The following BCL2 variants were observed in gnomAD, a reference collection of about 807,000 sequenced individuals.
The protein encoded by BCL2 is apoptosis regulator Bcl-2.
Under a neutral mutation model 14.2 loss-of-function variants are expected in BCL2, and 1 was observed. The ratio of observed to expected loss-of-function variants is 0.07; its 90% CI spans 0.02 to 0.33. The LOEUF (loss-of-function observed/expected upper bound fraction) is 0.33, where lower values mean the gene tolerates loss of function less well. BCL2 is among the 10% of genes least tolerant of loss of function. The pLI is 0.99. For missense variants in BCL2, 247 were observed against 305.9 expected, an observed-to-expected ratio of 0.81 and a Z score of 1.44; for synonymous variants, 151 against 137.2, an observed-to-expected ratio of 1.10 and a Z score of -0.70.
chr18:63,317,755 T>C, intron 2 of BCL2: 1 of 1,160,910 alleles, frequency 8.6e-7, no homozygotes, highest in Non-Finnish European at 1.1e-6. Flanking sequence ...CAGGAAACGG[T>C]GGTCCTGGGG....
At chr18:63,171,936 A>G (rs1203872294) in intron 2 of BCL2, among the ~76,000 whole-genome samples, 2 of 152,236 alleles carry the variant, frequency 1.3e-5, no homozygotes, top group South Asian at 4.1e-4. Context: ...AGCTATGATC[A>G]CACCACTGCA....
At chr18:63,246,937 T>C (rs1362535910) in intron 2 of BCL2, among the ~76,000 whole-genome samples, 1 of 152,202 alleles carries the variant, frequency 6.6e-6, no homozygotes, top group Non-Finnish European at 1.5e-5. Flanking sequence ...TTAATGATCA[T>C]CTAGGTTAGT....
At chr18:63,275,188 C>T (rs143949350) in intron 2 of BCL2, among the ~76,000 whole-genome samples, 13 of 151,226 alleles carry the variant, frequency 8.6e-5, no homozygotes, top group South Asian at 4.2e-4. Flanking sequence ...GAGCCAGTCA[C>T]GCCACTGCAC....
intron 2 of BCL2, among the ~76,000 whole-genome samples, chr18:63,204,814 G>T (rs1404402777): frequency 3.9e-5 from 6 of 152,132 alleles, no homozygotes; most frequent in South Asian, 2.1e-4. Flanking sequence ...ACCATGATAA[G>T]ATCTTACATG....
rs1913597680 is a variant in BCL2 at position 63,318,795 on chromosome 18, A to AG, written c.-130dup. On this transcript the variant is annotated 5_prime_UTR_variant, in exon 2 of 3. The change abolishes the stop of an existing upstream ORF in the 5' untranslated region. Coordinates refer to ENST00000333681, the MANE Select transcript of BCL2 (RefSeq NM_000633.3). The surrounding 1 kb of genome is among the most constrained non-coding windows in gnomAD (Gnocchi z 7.4). The stretch of plus-strand genomic sequence containing the variant: ...TGGATGTGCTTTGCATTCTTGGACG[A>AG]GGGGGTGTCTTCAATCACGCGGAAC... 5 of 1,480,010 alleles carry AG rather than the reference A, an allele frequency of 3.4e-6. No homozygotes were observed. The highest frequency in any genetic ancestry group is 4.5e-6 in the Non-Finnish European group (5 of 1,115,848). 91.7% of individuals were successfully genotyped at this position (1,480,010 alleles called of 1,614,324 possible). A position where few individuals can be genotyped will look rare whatever the true frequency, so the allele number is the denominator to read the frequency against.
chr18:63,244,491 G>A (rs184655443), intron 2 of BCL2, among the ~76,000 whole-genome samples: 4 of 152,260 alleles, frequency 2.6e-5, no homozygotes, highest in East Asian at 1.9e-4. Flanking sequence ...TCTAGGAGGC[G>A]GAGGTTACAG....
At chr18:63,230,295 A>G (rs1328718206) in intron 2 of BCL2, among the ~76,000 whole-genome samples, 1 of 152,202 alleles carries the variant, frequency 6.6e-6, no homozygotes, top group Non-Finnish European at 1.5e-5. Context: ...TGAAAGTAAA[A>G]CATATTTAGG....
intron 2 of BCL2, among the ~76,000 whole-genome samples, chr18:63,143,372 C>T (rs1394933776): frequency 6.6e-6 from 1 of 152,244 alleles, no homozygotes; most frequent in African/African-American, 2.4e-5. Context: ...AGGACACGCT[C>T]TCACAGTGAA....
At chr18:63,306,666 A>G (rs1312053145) in intron 2 of BCL2, among the ~76,000 whole-genome samples, 1 of 152,188 alleles carries the variant, frequency 6.6e-6, no homozygotes, top group African/African-American at 2.4e-5. Context: ...CTTGACTCCA[A>G]TAAATGCCAC....
intron 2 of BCL2, among the ~76,000 whole-genome samples, chr18:63,266,013 T>A (rs139274335): frequency 5.3e-5 from 8 of 152,120 alleles, no homozygotes; most frequent in African/African-American, 1.9e-4. Flanking sequence ...TCTGGCACTA[T>A]CTATCAAAAT....
intron 2 of BCL2, among the ~76,000 whole-genome samples, chr18:63,238,294 G>A (rs1910896903): frequency 6.6e-6 from 1 of 152,210 alleles, no homozygotes; most frequent in South Asian, 2.1e-4. Flanking sequence ...AGTGATGTGG[G>A]CAGAAACCGA....
intron 2 of BCL2, among the ~76,000 whole-genome samples, chr18:63,295,780 C>G (rs1007480421): frequency 6.6e-6 from 1 of 152,188 alleles, no homozygotes; most frequent in Non-Finnish European, 1.5e-5. Context: ...TGCTGGGTGA[C>G]TACCTGGGTT....
At chr18:63,259,868 A>G (rs1911604523) in intron 2 of BCL2, among the ~76,000 whole-genome samples, 1 of 152,222 alleles carries the variant, frequency 6.6e-6, no homozygotes, top group South Asian at 2.1e-4. Flanking sequence ...TCCCTTCCAG[A>G]CCCTCATACA....
chr18:63,213,044 G>C (rs769432019), intron 2 of BCL2, among the ~76,000 whole-genome samples: 8 of 152,204 alleles, frequency 5.3e-5, no homozygotes, highest in Non-Finnish European at 1.0e-4. Flanking sequence ...GCTGAAGCCA[G>C]AGGTGACCCA....
intron 2 of BCL2, among the ~76,000 whole-genome samples, chr18:63,198,868 C>CAG (rs1909578309): frequency 1.3e-5 from 2 of 149,488 alleles, no homozygotes; most frequent in Non-Finnish European, 3.0e-5. Context: ...CACACAAAGA[C>CAG]ACACAGTGAC....
intron 2 of BCL2, among the ~76,000 whole-genome samples, chr18:63,259,261 AC>A (rs375432072): frequency 6.6e-6 from 1 of 152,392 alleles, no homozygotes; most frequent in African/African-American, 2.4e-5. Flanking sequence ...GTGCAAAGGC[AC>A]CAGCCCCCAT....
intron 2 of BCL2, among the ~76,000 whole-genome samples, chr18:63,289,366 A>AG (rs1465343010): frequency 6.6e-6 from 1 of 152,230 alleles, no homozygotes; most frequent in Non-Finnish European, 1.5e-5. Flanking sequence ...AGGTGAGATC[A>AG]GATCTGGGCC....
At chr18:63,264,263 A>G (rs1416768326) in intron 2 of BCL2, among the ~76,000 whole-genome samples, 1 of 152,108 alleles carries the variant, frequency 6.6e-6, no homozygotes, top group African/African-American at 2.4e-5. Flanking sequence ...TCCTGATAAC[A>G]TGCTCCCTGC....
At chr18:63,191,864 G>A (rs2144652429) in intron 2 of BCL2, among the ~76,000 whole-genome samples, 1 of 152,320 alleles carries the variant, frequency 6.6e-6, no homozygotes, top group East Asian at 1.9e-4. Flanking sequence ...CGTTGAGGCT[G>A]AAATATGAAA....
Sources: gnomAD v4.1 joint callset for allele counts (sites outside exome capture counted in the v4.1 genomes callset) on GRCh38, gnomAD v4.1.1 for gene constraint, Gnocchi (gnomAD v3.1) non-coding constraint, MANE v1.5 for transcripts, NCBI Gene and HGNC (gene_info 2026-07-23, HGNC 2026-07-21) for gene names.